ABCC1: variants seen among roughly 807,000 people sequenced by gnomAD.
ABCC1 encodes the protein ATP binding cassette subfamily C member 1 (ABCC1 blood group), also known as multidrug resistance-associated protein 1.
Under a neutral mutation model 172.9 loss-of-function variants are expected in ABCC1, and 83 were observed. That is an observed-to-expected ratio of 0.48 (90% confidence interval 0.40 to 0.58). ABCC1 has a LOEUF of 0.58. ABCC1 is among the 20% of genes least tolerant of loss of function. ABCC1 has a pLI of 0.00. For missense variants in ABCC1, 1,817 were observed against 2,002.7 expected, an observed-to-expected ratio of 0.91 and a Z score of 1.77; for synonymous variants, 937 against 825.2, an observed-to-expected ratio of 1.14 and a Z score of -2.32.
intron 30 of ABCC1, among the ~76,000 whole-genome samples, chr16:16,140,599 C>T (rs1383752001): frequency 6.6e-6 from 1 of 152,172 alleles, no homozygotes; most frequent in East Asian, 1.9e-4. Flanking sequence ...CAGAAGTGGG[C>T]AGTGTCAAAT....
Position 16,131,739 on chromosome 16 carries a change from T to C in ABCC1, c.3820-50T>C, listed in dbSNP as rs781249523. ...GGGGAGGTCAGGGGAGTCACAGCTTTACCAGATGGACTGGAAATTCCTTAC... is the reference window on the plus strand; with the variant it reads ...GGGGAGGTCAGGGGAGTCACAGCTTCACCAGATGGACTGGAAATTCCTTAC... On this transcript the variant is annotated intron_variant, in intron 26 of 30. Transcript: ENST00000399410. 3.8e-6 allele frequency: 6 copies of C among 1,596,280 alleles called. No individual in the cohort carries two copies. The East Asian group carries it at 9.0e-5, about 24-fold the overall frequency.
chr16:16,138,250 T>G, intron 29 of ABCC1, 114 bp from the exon 30 acceptor site: 2 of 954,518 alleles, frequency 2.1e-6, no homozygotes, highest in Non-Finnish European at 3.1e-6. Context: ...GGACATGCTT[T>G]CCTGGTCAAG....
Position 16,076,492 on chromosome 16 carries a change from C to T in ABCC1, c.1988+91C>T, listed in dbSNP as rs2050578676. 4 of 1,274,410 alleles carry T rather than the reference C, an allele frequency of 3.1e-6. No individual in the cohort carries two copies. The Admixed American group carries it at 1.1e-4, about 35-fold the overall frequency. The allele number at this position is 1,274,410 out of a possible 1,614,324, so 78.9% of individuals were successfully genotyped here. On this transcript the variant is annotated intron_variant, in intron 15 of 30. Coordinates refer to ENST00000399410, the MANE Select transcript of ABCC1 (RefSeq NM_004996.4). The stretch of plus-strand genomic sequence containing the variant: ...TTCGAATTCCCACCGTGCTCCCTCT[C>T]TGTGACCTTGAACAACTCACTTTGC...
At chr16:16,045,138 A>G (rs1484248937) in intron 8 of ABCC1, among the ~76,000 whole-genome samples, 1 of 152,034 alleles carries the variant, frequency 6.6e-6, no homozygotes, top group Non-Finnish European at 1.5e-5. Context: ...GCAGTGGCTC[A>G]TGCCTATAAT....
rs950420198 is a variant in ABCC1, at chr16:16,132,005, C to T, written c.3966+70C>T. 4.5e-6 allele frequency: 7 copies of T among 1,557,116 alleles called. No individual in the cohort carries two copies. In the Admixed American group the frequency reaches 5.5e-5, roughly 12 times the overall value. On this transcript the variant is annotated intron_variant, in intron 27 of 30. Transcript: ENST00000399410. Reference sequence around the variant, plus strand: ...ACAGGGTGCCATCGGGCAGGTGAACCTAGCTGCAGCGTCTCCCCAGTCACT... The same window carrying T: ...ACAGGGTGCCATCGGGCAGGTGAACTTAGCTGCAGCGTCTCCCCAGTCACT...
chr16:16,069,025 C>T lies in ABCC1; in HGVS notation c.1824+723C>T, dbSNP rs190394521. ...AAAAAAAAGAAAAACCCCAACCTTA[C>T]GGCCGGGCATGATGGTACATGCCTG... On this transcript the variant is annotated intron_variant, in intron 13 of 30. Coordinates refer to ENST00000399410, the MANE Select transcript of ABCC1 (RefSeq NM_004996.4). 4.0e-3 allele frequency among the ~76,000 whole-genome samples: 599 copies of T among 149,740 alleles called. 6 individuals carry two copies. Among genetic ancestry groups the T allele is most frequent in the Middle Eastern group, 6.9e-3 (2 of 288 alleles).
chr16:15,996,687 C>T (rs777184635), intron 1 of ABCC1, among the ~76,000 whole-genome samples: 2 of 152,162 alleles, frequency 1.3e-5, no homozygotes, highest in African/African-American at 2.4e-5. Context: ...AGCATCTGTG[C>T]AGAACCTGTG....
Position 16,068,156 on chromosome 16 carries a change from G to C in ABCC1, c.1678G>C (p.Val560Leu). The part of the protein sequence containing the change: ...TFTWVCTPFL[V>L]ALCTFAVYVT... ...TCAGCACTGGGCGTTCTGCTTGCAG[G>C]TGGCCTTGTGCACATTTGCCGTCTA... is the stretch of plus-strand genomic sequence containing the variant. Residue 560 changes from valine to leucine, a missense_variant and splice_region_variant, in exon 13 of 31, where the codon GTG becomes CTG. Around this residue, in one of 3 missense-constraint regions of ABCC1, gnomAD observed 1,412 missense variants for 1,600.3 expected, o/e 0.88. Coordinates refer to ENST00000399410, the MANE Select transcript of ABCC1 (RefSeq NM_004996.4). The C allele has an allele frequency of 6.2e-7, 1 of 1,614,050 alleles. No homozygotes were observed. The highest frequency in any genetic ancestry group is 8.5e-7 in the Non-Finnish European group (1 of 1,180,020).
intron 1 of ABCC1, among the ~76,000 whole-genome samples, chr16:15,952,998 C>T (rs1346452520): frequency 6.0e-5 from 9 of 150,998 alleles, no homozygotes; most frequent in East Asian, 3.9e-4. Context: ...GCTGAGATCA[C>T]GGTCACTGCA....
At chr16:15,986,396 T>C (rs1234723233) in intron 1 of ABCC1, among the ~76,000 whole-genome samples, 1 of 152,154 alleles carries the variant, frequency 6.6e-6, no homozygotes, top group Non-Finnish European at 1.5e-5. Flanking sequence ...AACTGAGTCA[T>C]GCAACAGGAG....
intron 26 of ABCC1, among the ~76,000 whole-genome samples, chr16:16,127,239 T>C (rs1162138896): frequency 1.3e-5 from 2 of 152,202 alleles, no homozygotes; most frequent in African/African-American, 4.8e-5. Context: ...GACTGATTTT[T>C]GAGACACGGT....
chr16:16,132,953 C>G (rs1030350931), intron 27 of ABCC1, among the ~76,000 whole-genome samples: 1 of 152,188 alleles, frequency 6.6e-6, no homozygotes, highest in Non-Finnish European at 1.5e-5. Flanking sequence ...CTGGCTCTTT[C>G]TAGTCAACCT....
At chr16:16,057,252 A>AT (rs1277972779) in intron 12 of ABCC1, among the ~76,000 whole-genome samples, 5 of 150,908 alleles carry the variant, frequency 3.3e-5, no homozygotes, top group African/African-American at 1.2e-4. Context: ...CCAGCTACTC[A>AT]GGAGGCCGAG....
At chr16:16,067,921 G>A (rs1596454075) in intron 12 of ABCC1, among the ~76,000 whole-genome samples, 1 of 152,212 alleles carries the variant, frequency 6.6e-6, no homozygotes, top group South Asian at 2.1e-4. Flanking sequence ...AAGTTGATGG[G>A]AGAGGCCGGC....
chr16:16,057,058 T>C (rs912928248), intron 12 of ABCC1, among the ~76,000 whole-genome samples: 5 of 151,872 alleles, frequency 3.3e-5, no homozygotes, highest in Non-Finnish European at 7.4e-5. Context: ...TTACTTATTT[T>C]GGGCTGGGTG....
At chr16:15,994,959 C>G (rs1478764470) in intron 1 of ABCC1, among the ~76,000 whole-genome samples, 1 of 151,524 alleles carries the variant, frequency 6.6e-6, no homozygotes, top group African/African-American at 2.4e-5. Context: ...GGTGAAACTC[C>G]ATCTGTACTA....
At chr16:15,990,634 G>GTTGCAAA (rs1038983071) in intron 1 of ABCC1, among the ~76,000 whole-genome samples, 1 of 151,748 alleles carries the variant, frequency 6.6e-6, no homozygotes, top group Non-Finnish European at 1.5e-5. Context: ...CATCCATGTT[G>GTTGCAAA]TTGCAAATGG....
Position 16,036,491 on chromosome 16 carries a change from C to A in ABCC1, c.697C>A (p.Arg233Ser). The A allele has an allele frequency of 1.2e-6, 2 of 1,613,736 alleles. No individual in the cohort carries two copies. The highest frequency in any genetic ancestry group is 1.7e-6 in the Non-Finnish European group (2 of 1,179,812). The stretch of plus-strand genomic sequence containing the variant: ...CCCCAGGTTGATTGTCCGGGGCTAC[C>A]GCCAGCCCCTGGAGGGCAGTGACCT... Reference protein sequence around the residue: ...WITGLIVRGYRQPLEGSDLWS... With the variant: ...WITGLIVRGYSQPLEGSDLWS... The change falls in exon 7 of 31, where the codon CGC (arginine) becomes AGC (serine). Residue 233 changes from arginine to serine, a missense_variant. Physicochemically the swap from Arg to Ser is moderately radical, Grantham distance 110. Transcript: ENST00000399410.
rs747241675 is a variant in ABCC1, at chr16:16,083,515, T to C, written c.2265T>C (p.Ser755=). The C allele has an allele frequency of 8.7e-6, 14 of 1,613,316 alleles. No homozygotes were observed. The African/African-American group carries it at 1.6e-4, about 18-fold the overall frequency. Residue 755 remains serine (S), a synonymous_variant, in exon 17 of 31, where the codon AGT becomes AGC. Transcript: ENST00000399410. ...TCCCAGACCTGGAAATCCTGCCCAG[T>C]GGGGATCGGACAGAGATTGGCGAGA... The part of the protein sequence containing the change: ...ALLPDLEILP[S]GDRTEIGEKG...
Sources: gnomAD v4.1 joint callset for allele counts (sites outside exome capture counted in the v4.1 genomes callset) on GRCh38, gnomAD v4.1.1 for gene constraint, gnomAD v4.1.1 regional missense constraint, MANE v1.5 for transcripts, NCBI Gene and HGNC (gene_info 2026-07-23, HGNC 2026-07-21) for gene names.